The following PPIG variants were observed in gnomAD, a reference collection of about 807,000 sequenced individuals.
The protein encoded by PPIG is peptidylprolyl isomerase G, also known as peptidyl-prolyl cis-trans isomerase G.
In PPIG, 26 loss-of-function variants were observed where a neutral mutation model predicts 87.9. The ratio of observed to expected loss-of-function variants is 0.30; its 90% CI spans 0.22 to 0.41. The LOEUF is 0.41. Among genes scored for constraint, PPIG ranks in the 10% least tolerant of loss-of-function variants. PPIG has a pLI of 1.00. For synonymous variants in PPIG, 308 were observed against 276.5 expected (o/e 1.11, Z -1.13); for missense variants, 722 against 879.4 (o/e 0.82, Z 2.26).
intron 7 of PPIG, among the ~76,000 whole-genome samples, chr2:169,610,120 G>C (rs1026646792): frequency 6.6e-6 from 1 of 152,168 alleles, no homozygotes; most frequent in African/African-American, 2.4e-5. Context: ...GTTCTGTGAG[G>C]AATTTAATCT....
At chr2:169,614,380 GTTA>G in intron 7 of PPIG, 81 bp from the exon 8 acceptor site, 1 of 1,250,940 alleles carries the variant, frequency 8.0e-7, no homozygotes, top group Non-Finnish European at 1.1e-6. Context: ...TTCCAATACA[GTTA>G]TTTTCTTTTT....
intron 9 of PPIG, among the ~76,000 whole-genome samples, chr2:169,617,473 T>C (rs541995596): frequency 6.6e-6 from 1 of 152,342 alleles, no homozygotes; most frequent in South Asian, 2.1e-4. Flanking sequence ...TTTTACGATA[T>C]TGATTCTCCC....
chr2:169,610,479 AT>A lies in PPIG; in HGVS notation c.377+1731del, dbSNP rs56049675. ...GTTCTCCTTCCTACCTAGTTTTGATATTTTTTTTTTGCATTTTTTTAAGTTT... is the reference window on the plus strand; with the variant it reads ...GTTCTCCTTCCTACCTAGTTTTGATATTTTTTTTTGCATTTTTTTAAGTTT... On this transcript the variant is annotated intron_variant, in intron 7 of 13. Coordinates refer to ENST00000260970, the MANE Select transcript of PPIG (RefSeq NM_004792.3). Among the ~76,000 whole-genome samples the A allele has an allele frequency of 3.8e-4, 57 of 148,384 alleles. No individual in the cohort carries two copies. In the East Asian group the frequency reaches 6.7e-3, roughly 17 times the overall value.
intron 12 of PPIG, 140 bp from the exon 13 acceptor site, chr2:169,635,952 C>G (rs1224837814): frequency 1.8e-5 from 8 of 455,474 alleles, no homozygotes; most frequent in Non-Finnish European, 2.3e-5. Context: ...GCTACTGTTT[C>G]AATGCTTTTT....
At chr2:169,618,725 C>T (rs1464920847) in intron 9 of PPIG, among the ~76,000 whole-genome samples, 1 of 151,822 alleles carries the variant, frequency 6.6e-6, no homozygotes, top group Non-Finnish European at 1.5e-5. Context: ...TTTATTGTGT[C>T]TATTTGATTC....
At position 169,636,433 on chromosome 2, in the gene PPIG, A is replaced by T; in HGVS notation, c.1175A>T (p.Lys392Ile). 1 of 1,543,302 alleles carries T rather than the reference A, an allele frequency of 6.5e-7. No individual in the cohort carries two copies. The highest frequency in any genetic ancestry group is 8.7e-7 in the Non-Finnish European group (1 of 1,147,796). ...KGDKSELNEI[K>I]ENQRSPVRVK... ...TTTAGGAGTGAGTTGAATGAAATAA[A>T]AGAAAATCAGAGAAGTCCAGTTAGA... The change falls in exon 14 of 14, where the codon AAA becomes ATA. Residue 392 changes from lysine to isoleucine, a missense_variant. Physicochemically the swap from Lys to Ile is moderately radical, Grantham distance 102. Around this residue, in one of 4 missense-constraint regions of PPIG, gnomAD observed 476 missense variants for 483.1 expected, o/e 0.99. Transcript: ENST00000260970.
At chr2:169,612,452 C>T (rs948418816) in intron 7 of PPIG, among the ~76,000 whole-genome samples, 1 of 145,764 alleles carries the variant, frequency 6.9e-6, no homozygotes, top group African/African-American at 2.6e-5. Context: ...GGCAGAATCT[C>T]GGCTCACTGC....
intron 4 of PPIG, among the ~76,000 whole-genome samples, chr2:169,604,558 G>A (rs945119630): frequency 6.6e-6 from 1 of 151,886 alleles, no homozygotes; most frequent in African/African-American, 2.4e-5. Flanking sequence ...AGTGACTAGG[G>A]CGTGAAAGTA....
intron 9 of PPIG, 26 bp downstream of exon 9, chr2:169,614,750 G>C (rs1685568559): frequency 6.3e-7 from 1 of 1,581,794 alleles, no homozygotes; most frequent in South Asian, 1.2e-5. Flanking sequence ...ATATTTCTGA[G>C]AATACTTACA....
At chr2:169,608,962 TA>T in intron 7 of PPIG, among the ~76,000 whole-genome samples, 1 of 151,266 alleles carries the variant, frequency 6.6e-6, no homozygotes, top group African/African-American at 2.4e-5. Context: ...CGGACGCCTG[TA>T]GTCCCAGCTA....
intron 6 of PPIG, among the ~76,000 whole-genome samples, chr2:169,607,914 T>G (rs1351581239): frequency 6.6e-6 from 1 of 152,164 alleles, no homozygotes; most frequent in African/African-American, 2.4e-5. Flanking sequence ...TGGAATGCAG[T>G]GGCTTTTCAT....
intron 1 of PPIG, 121 bp from the exon 2 acceptor site, chr2:169,603,502 GTTAAATAGTATATTAACTA>G (rs1559178388): frequency 4.8e-4 from 5 of 10,350 alleles, no homozygotes; most frequent in Non-Finnish European, 9.0e-4. Flanking sequence ...TTTAACAATA[GTTAAATAGTATATTAACTA>G]TATACTATTT....
chr2:169,631,514 T>C, intron 10 of PPIG: 1 of 1,154,840 alleles, frequency 8.7e-7, no homozygotes, highest in Non-Finnish European at 1.1e-6. Context: ...CATAGTTTCA[T>C]ATTTTTTATC....
chr2:169,636,103 T>G lies in PPIG; in HGVS notation c.1029T>G (p.Thr343=). The change falls in exon 13 of 14, where the codon ACT becomes ACG. Residue 343 remains threonine, a synonymous_variant. Coordinates refer to ENST00000260970, the MANE Select transcript of PPIG (RefSeq NM_004792.3). The stretch of plus-strand genomic sequence containing the variant: ...TTAATTTTCTTTAGCGTTATCGAAC[T>G]CCTTCCAGATCCAGATCAAGGGATC... ...IKGRGPRRYR[T]PSRSRSRDRF... is the part of the protein sequence containing the mutation. 6.2e-7 allele frequency: 1 copy of G among 1,600,712 alleles called. No homozygotes were observed. The highest frequency in any genetic ancestry group is 1.1e-5 in the South Asian group (1 of 88,864).
Position 169,630,798 on chromosome 2 carries a change from A to G in PPIG, c.572A>G (p.His191Arg), listed in dbSNP as rs1381477814. Reference protein sequence around the residue: ...SKVKKEEKKRHKSSSSSSSSS... With the variant: ...SKVKKEEKKRRKSSSSSSSSS... ...GTTAAGAAAGAAGAAAAGAAAAGGC[A>G]TAAATCATCATCATCTTCCTCCTCC... is the stretch of plus-strand genomic sequence containing the variant. Residue 191 changes from histidine to arginine, a missense_variant, in exon 10 of 14, where the codon CAT (histidine) becomes CGT (arginine). Around this residue, in one of 4 missense-constraint regions of PPIG, gnomAD observed 142 missense variants for 152.8 expected, o/e 0.93. Coordinates refer to ENST00000260970, the MANE Select transcript of PPIG (RefSeq NM_004792.3). 6.2e-7 allele frequency: 1 copy of G among 1,606,860 alleles called. No homozygotes were observed. Among genetic ancestry groups the G allele is most frequent in the Non-Finnish European group, 8.5e-7 (1 of 1,178,200 alleles).
rs192599583 is a variant in PPIG, at chr2:169,607,996, T to C, written c.290-675T>C. Among the ~76,000 whole-genome samples, 4 of 152,268 alleles carry C rather than the reference T, an allele frequency of 2.6e-5. No homozygotes were observed. In the East Asian group the frequency reaches 7.7e-4, roughly 29 times the overall value. On this transcript the variant is annotated intron_variant, in intron 6 of 13. Transcript: ENST00000260970. ...GATCCTCCTGCTTCAACCTGCTGAG[T>C]AGCTAGGACTACAGCCACACTACTG...
rs72625205 is a variant in PPIG, at chr2:169,632,230, A to G, written c.929+297A>G. Among the ~76,000 whole-genome samples the G allele has an allele frequency of 0.11, 17,112 of 152,222 alleles. 1,221 individuals are homozygous for G. Among genetic ancestry groups the G allele is most frequent in the South Asian group, 0.26 (1,258 of 4,826 alleles). ...GATACTCTTTAACCAGTAAAACAAG[A>G]TAGTGTTTTATAGTGTTATTTGTGT... is the stretch of plus-strand genomic sequence containing the variant. On this transcript the variant is annotated intron_variant, in intron 11 of 13. Coordinates refer to ENST00000260970, the MANE Select transcript of PPIG (RefSeq NM_004792.3).
chr2:169,602,278 A>G (rs1685206131), intron 1 of PPIG, among the ~76,000 whole-genome samples: 1 of 152,076 alleles, frequency 6.6e-6, no homozygotes, highest in South Asian at 2.1e-4. Flanking sequence ...AGGATATTCA[A>G]TCTGTACATA....
In PPIG at chr2:169,584,443, C is replaced by G. The variant is rs772655608; in HGVS notation, c.-117C>G. 15 of 470,904 alleles carry G rather than the reference C, an allele frequency of 3.2e-5. No individual in the cohort carries two copies. Among genetic ancestry groups the G allele is most frequent in the Non-Finnish European group, 6.2e-5 (14 of 227,040 alleles). 29.2% of individuals were successfully genotyped at this position (470,904 alleles called of 1,614,324 possible). Reference sequence around the variant, plus strand: ...TTTTCTGGCGGCGGTAGATTTGAAGCGCTTCAAAGGACCGGACCCAGAGAA... The same window carrying G: ...TTTTCTGGCGGCGGTAGATTTGAAGGGCTTCAAAGGACCGGACCCAGAGAA... On this transcript the variant is annotated 5_prime_UTR_variant, in exon 1 of 14. Transcript: ENST00000260970.
Sources: gnomAD v4.1 joint callset for allele counts (sites outside exome capture counted in the v4.1 genomes callset) on GRCh38, gnomAD v4.1.1 for gene constraint, gnomAD v4.1.1 regional missense constraint, MANE v1.5 for transcripts, NCBI Gene and HGNC (gene_info 2026-07-23, HGNC 2026-07-21) for gene names.